DLGAP2: variants seen among roughly 807,000 people sequenced by gnomAD.
DLGAP2 encodes disks large-associated protein 2.
DLGAP2 carries 26 observed loss-of-function variants against 100.3 expected under a neutral mutation model. The ratio of observed to expected loss-of-function variants is 0.26; its 90% confidence interval spans 0.19 to 0.36. The LOEUF (loss-of-function observed/expected upper bound fraction) is 0.36, where lower values mean the gene tolerates loss of function less well. DLGAP2 is among the 10% of genes least tolerant of loss of function. The probability of loss-of-function intolerance (pLI) is 1.00; values close to 1 mark genes in which losing one functional copy is unlikely to be tolerated. For missense variants in DLGAP2, 1,858 were observed against 1,453.2 expected (o/e 1.28, Z -4.53); for synonymous variants, 886 against 630.1 (o/e 1.41, Z -6.08).
intron 8 of DLGAP2, among the ~76,000 whole-genome samples, chr8:1,652,314 T>C (rs1055501934): frequency 6.6e-6 from 1 of 152,240 alleles, no homozygotes; most frequent in African/African-American, 2.4e-5. Flanking sequence ...CCATTCATTG[T>C]GAGTCTCTCC....
chr8:1,577,020 T>C (rs184922800), intron 6 of DLGAP2, among the ~76,000 whole-genome samples: 30 of 152,342 alleles, frequency 2.0e-4, no homozygotes, highest in African/African-American at 6.7e-4. Flanking sequence ...CTTCAAACTA[T>C]ACTACAGGCT....
intron 8 of DLGAP2, among the ~76,000 whole-genome samples, chr8:1,654,517 C>T (rs1798238615): frequency 6.6e-6 from 1 of 152,026 alleles, no homozygotes; most frequent in Non-Finnish European, 1.5e-5. Flanking sequence ...CAAAATTAGC[C>T]AGGCATGGTG....
chr8:831,283 A>G (rs1796778136), intron 1 of DLGAP2, among the ~76,000 whole-genome samples: 1 of 148,140 alleles, frequency 6.8e-6, no homozygotes, highest in Non-Finnish European at 1.5e-5. Context: ...TTACATAGGT[A>G]TATACATGTG....
At chr8:1,218,333 A>G (rs1159000379) in intron 2 of DLGAP2, among the ~76,000 whole-genome samples, 1 of 152,164 alleles carries the variant, frequency 6.6e-6, no homozygotes, top group African/African-American at 2.4e-5. Flanking sequence ...AGCACCGTTT[A>G]TTGAATAGCA....
At chr8:893,837 C>T (rs891067202) in intron 1 of DLGAP2, among the ~76,000 whole-genome samples, 2 of 152,252 alleles carry the variant, frequency 1.3e-5, no homozygotes, top group Non-Finnish European at 2.9e-5. Context: ...CGGCCAGCAG[C>T]ATGGGGCCCG....
At chr8:1,152,084 T>C (rs1268529740) in intron 2 of DLGAP2, among the ~76,000 whole-genome samples, 1 of 152,254 alleles carries the variant, frequency 6.6e-6, no homozygotes, top group Non-Finnish European at 1.5e-5. Flanking sequence ...TTTGCATTTT[T>C]CTGTTTCCTT....
chr8:1,001,102 A>G (rs1800943068), intron 2 of DLGAP2, among the ~76,000 whole-genome samples: 1 of 152,036 alleles, frequency 6.6e-6, no homozygotes, highest in South Asian at 2.1e-4. Context: ...CAATTTCTCC[A>G]CTCTCTTCTT....
Position 962,127 on chromosome 8 carries a change from TTG to T in DLGAP2, c.73+54165_73+54166del, listed in dbSNP as rs1160059302. ...GTAATTATCATAGTCGTCATCATAC[TTG>T]TGTTTGGATGGCTCATTTTCTTATA... is the stretch of plus-strand genomic sequence containing the variant. On this transcript the variant is annotated intron_variant, in intron 2 of 14. Coordinates refer to ENST00000637795, the MANE Select transcript of DLGAP2 (RefSeq NM_001346810.2). Among the ~76,000 whole-genome samples, 8 of 152,366 alleles carry T rather than the reference TTG, an allele frequency of 5.3e-5. No homozygotes were observed. The East Asian group carries it at 1.5e-3, about 29-fold the overall frequency.
At chr8:801,292 G>A (rs750020720) in intron 1 of DLGAP2, among the ~76,000 whole-genome samples, 7 of 152,202 alleles carry the variant, frequency 4.6e-5, no homozygotes, top group Admixed American at 6.5e-5. Flanking sequence ...AAGCATCTCC[G>A]TGAGGAGATC....
chr8:1,601,349 G>T (rs1392667505), intron 6 of DLGAP2, among the ~76,000 whole-genome samples: 3 of 152,214 alleles, frequency 2.0e-5, no homozygotes, highest in Non-Finnish European at 4.4e-5. Flanking sequence ...AGACAAGAGG[G>T]TCAGGGGCCC....
chr8:1,450,448 C>T (rs1219222746), intron 3 of DLGAP2, among the ~76,000 whole-genome samples: 2 of 145,902 alleles, frequency 1.4e-5, no homozygotes, highest in African/African-American at 2.6e-5. Flanking sequence ...TGGGCGGCCT[C>T]GGTGGCTGTG....
At chr8:1,337,003 G>A (rs562031147) in intron 3 of DLGAP2, among the ~76,000 whole-genome samples, 8 of 152,282 alleles carry the variant, frequency 5.3e-5, no homozygotes, top group South Asian at 2.1e-4. Flanking sequence ...GAGGAGCAGA[G>A]GCAATGAGTC....
intron 2 of DLGAP2, among the ~76,000 whole-genome samples, chr8:1,197,949 C>T (rs1338036314): frequency 6.6e-6 from 1 of 152,186 alleles, no homozygotes; most frequent in Non-Finnish European, 1.5e-5. Context: ...ACATGTGCAT[C>T]TGTCCTCACC....
chr8:789,301 C>G (rs1235657659), intron 1 of DLGAP2, among the ~76,000 whole-genome samples: 1 of 152,226 alleles, frequency 6.6e-6, no homozygotes, highest in Non-Finnish European at 1.5e-5. Context: ...AACTTACAAC[C>G]ATGGCGGAAG....
intron 2 of DLGAP2, among the ~76,000 whole-genome samples, chr8:961,052 T>C (rs1336831169): frequency 1.3e-5 from 2 of 149,096 alleles, no homozygotes; most frequent in African/African-American, 4.9e-5. Flanking sequence ...TTGACACCAA[T>C]TCAGTGGTGG....
chr8:950,120 T>C (rs1202216713), intron 2 of DLGAP2, among the ~76,000 whole-genome samples: 2 of 152,150 alleles, frequency 1.3e-5, no homozygotes, highest in African/African-American at 2.4e-5. Context: ...ACTCAGGGAC[T>C]GCAAGTGAAG....
chr8:1,017,728 G>A (rs1160807178), intron 2 of DLGAP2, among the ~76,000 whole-genome samples: 1 of 152,224 alleles, frequency 6.6e-6, no homozygotes, highest in Non-Finnish European at 1.5e-5. Flanking sequence ...AAGCAGGACG[G>A]GGACTGACTG....
intron 3 of DLGAP2, among the ~76,000 whole-genome samples, chr8:1,385,750 G>A (rs1320286454): frequency 7.2e-6 from 1 of 139,546 alleles, no homozygotes; most frequent in Non-Finnish European, 1.5e-5. Context: ...AGTTACCCCG[G>A]CCTATGCCCA....
At chr8:1,562,551 T>TG (rs199950010) in intron 5 of DLGAP2, among the ~76,000 whole-genome samples, 6 of 35,774 alleles carry the variant, frequency 1.7e-4, no homozygotes, top group Non-Finnish European at 2.1e-4. Context: ...TGTGTGGTGT[T>TG]GGGTGTCCGT....
Sources: allele counts gnomAD v4.1 joint callset (sites outside exome capture counted in the v4.1 genomes callset), GRCh38; gene constraint gnomAD v4.1.1; transcripts MANE v1.5; gene names NCBI Gene and HGNC (gene_info 2026-07-23, HGNC 2026-07-21).